ADAM18: variants seen among roughly 807,000 people sequenced by gnomAD.
ADAM18 encodes the protein disintegrin and metalloproteinase domain-containing protein 18.
Under a neutral mutation model 94.4 loss-of-function variants are expected in ADAM18, and 117 were observed. That is an observed-to-expected ratio of 1.24 (90% CI 1.07 to 1.45). ADAM18 has a LOEUF of 1.45. Among genes scored for constraint, ADAM18 ranks in the 40% most tolerant of loss-of-function variants. The pLI is 0.00. For missense variants in ADAM18, 936 were observed against 880.0 expected, an observed-to-expected ratio of 1.06 and a Z score of -0.81; for synonymous variants, 327 against 291.6, an observed-to-expected ratio of 1.12 and a Z score of -1.24.
At chr8:39,621,526 T>C (rs1459105606) in intron 6 of ADAM18, among the ~76,000 whole-genome samples, 2 of 151,864 alleles carry the variant, frequency 1.3e-5, no homozygotes, top group East Asian at 3.8e-4. Flanking sequence ...ATAATAATAA[T>C]TTTGGAAGTT....
chr8:39,634,264 G>A (rs907544130), intron 7 of ADAM18, among the ~76,000 whole-genome samples: 1 of 152,126 alleles, frequency 6.6e-6, no homozygotes, highest in Non-Finnish European at 1.5e-5. Context: ...GGCTCACAGA[G>A]TGCAAGAGCT....
intron 1 of ADAM18, 79 bp downstream of exon 1, chr8:39,584,756 T>A: frequency 6.6e-7 from 1 of 1,520,152 alleles, no homozygotes; most frequent in East Asian, 2.3e-5. Flanking sequence ...TTTCTTGTCA[T>A]TCTGGGACCC....
chr8:39,690,508 A>C (rs1821742998), intron 16 of ADAM18, among the ~76,000 whole-genome samples: 1 of 152,144 alleles, frequency 6.6e-6, no homozygotes, highest in South Asian at 2.1e-4. Context: ...TGGCATATAC[A>C]ATTTTTTTCT....
At chr8:39,622,639 G>A (rs1159356350) in intron 6 of ADAM18, among the ~76,000 whole-genome samples, 1 of 151,838 alleles carries the variant, frequency 6.6e-6, no homozygotes, top group African/African-American at 2.4e-5. Context: ...AGTAGTTTTA[G>A]TTATATCAAA....
chr8:39,678,640 C>T (rs936465158), intron 15 of ADAM18, among the ~76,000 whole-genome samples: 2 of 152,120 alleles, frequency 1.3e-5, no homozygotes, highest in African/African-American at 2.4e-5. Flanking sequence ...GGCATGACAA[C>T]CCCACTTAAT....
Position 39,624,871 on chromosome 8 carries a change from A to G in ADAM18, c.523-4503A>G, listed in dbSNP as rs564604982. Among the ~76,000 whole-genome samples, 195 of 152,272 alleles carry G rather than the reference A, an allele frequency of 1.3e-3. 1 individual carries two copies. The highest frequency in any genetic ancestry group is 2.4e-3 in the Non-Finnish European group (166 of 68,022). ...TTTCCTTTGCCTTCCACCATGATTG[A>G]AAGTTTTCTGAGGTTTCCCAGAAGC... is the stretch of plus-strand genomic sequence containing the variant. On this transcript the variant is annotated intron_variant, in intron 6 of 19. Coordinates refer to ENST00000265707, the MANE Select transcript of ADAM18 (RefSeq NM_014237.3).
At chr8:39,654,040 C>T (rs1279026307) in intron 12 of ADAM18, among the ~76,000 whole-genome samples, 1 of 152,064 alleles carries the variant, frequency 6.6e-6, no homozygotes, top group Non-Finnish European at 1.5e-5. Context: ...ACTTTATATG[C>T]TTCCACACAT....
chr8:39,635,689 T>G (rs933783732), intron 7 of ADAM18, among the ~76,000 whole-genome samples: 1 of 152,188 alleles, frequency 6.6e-6, no homozygotes, highest in Non-Finnish European at 1.5e-5. Context: ...TTTTTTCTAC[T>G]CCAATCTGTG....
intron 12 of ADAM18, among the ~76,000 whole-genome samples, chr8:39,649,236 C>T (rs920542931): frequency 2.0e-5 from 3 of 152,104 alleles, no homozygotes; most frequent in Non-Finnish European, 2.9e-5. Context: ...CCATTAAATT[C>T]TCTCAATTCT....
In ADAM18 at chr8:39,619,594, A is replaced by T. The variant is rs1214623109; in HGVS notation, c.522+8888A>T. Among the ~76,000 whole-genome samples the T allele has an allele frequency of 2.0e-5, 3 of 152,172 alleles. No individual in the cohort carries two copies. The East Asian group carries it at 5.8e-4, about 29-fold the overall frequency. Reference sequence around the variant, plus strand: ...AAAAACAGTATCATTTCTATATGCCAATAATAACCTATCTGATAAAGAATT... The same window carrying T: ...AAAAACAGTATCATTTCTATATGCCTATAATAACCTATCTGATAAAGAATT... On this transcript the variant is annotated intron_variant, in intron 6 of 19. Coordinates refer to ENST00000265707, the MANE Select transcript of ADAM18 (RefSeq NM_014237.3).
intron 18 of ADAM18, among the ~76,000 whole-genome samples, chr8:39,718,612 G>A (rs1216083154): frequency 6.6e-6 from 1 of 151,346 alleles, no homozygotes; most frequent in Non-Finnish European, 1.5e-5. Flanking sequence ...AGCAAGATGA[G>A]TAAGATCTAG....
chr8:39,663,447 A>G (rs1820900156), intron 12 of ADAM18, among the ~76,000 whole-genome samples: 2 of 150,142 alleles, frequency 1.3e-5, no homozygotes. Flanking sequence ...AAAAAGAAAA[A>G]AAATATCTGG....
intron 6 of ADAM18, among the ~76,000 whole-genome samples, chr8:39,620,993 T>A (rs1048598502): frequency 7.2e-5 from 11 of 152,144 alleles, no homozygotes; most frequent in African/African-American, 2.6e-4. Flanking sequence ...CAAAATTATG[T>A]ACATTTATAT....
At chr8:39,728,982 A>C (rs1267918154) in intron 19 of ADAM18, among the ~76,000 whole-genome samples, 3 of 152,186 alleles carry the variant, frequency 2.0e-5, no homozygotes. Context: ...TCCCACCAAC[A>C]GTCCAAAAGG....
At chr8:39,615,655 A>G (rs1464830251) in intron 6 of ADAM18, among the ~76,000 whole-genome samples, 2 of 152,170 alleles carry the variant, frequency 1.3e-5, no homozygotes, top group Non-Finnish European at 2.9e-5. Context: ...CCAGAACAAG[A>G]CAAGCATGCC....
intron 18 of ADAM18, among the ~76,000 whole-genome samples, chr8:39,707,652 ATGTATGTATATTT>A (rs1340409498): frequency 1.3e-5 from 2 of 152,174 alleles, no homozygotes; most frequent in African/African-American, 2.4e-5. Context: ...GAAAATATGT[ATGTATGTATATTT>A]TGTATGTATA....
chr8:39,722,662 C>T (rs1822793303), intron 18 of ADAM18, among the ~76,000 whole-genome samples: 1 of 151,488 alleles, frequency 6.6e-6, no homozygotes, highest in Admixed American at 6.6e-5. Context: ...GCACTTGTAC[C>T]TCCTTAATCT....
chr8:39,705,550 C>A (rs1168327468), intron 17 of ADAM18, among the ~76,000 whole-genome samples: 2 of 151,986 alleles, frequency 1.3e-5, no homozygotes, highest in Non-Finnish European at 2.9e-5. Flanking sequence ...CAAAGCAAGA[C>A]CCCATCTAAA....
At chr8:39,682,198 A>C (rs1409370342) in intron 16 of ADAM18, among the ~76,000 whole-genome samples, 1 of 152,240 alleles carries the variant, frequency 6.6e-6, no homozygotes, top group Non-Finnish European at 1.5e-5. Flanking sequence ...CTACATTTAA[A>C]AAAATAAGGC....
Sources: gnomAD v4.1 joint callset for allele counts (sites outside exome capture counted in the v4.1 genomes callset) on GRCh38, gnomAD v4.1.1 for gene constraint, MANE v1.5 for transcripts, NCBI Gene and HGNC (gene_info 2026-07-23, HGNC 2026-07-21) for gene names.